The following SNX29 variants were observed in gnomAD, a reference collection of about 807,000 sequenced individuals.
SNX29 encodes sorting nexin 29, also known as sorting nexin-29.
A neutral mutation model predicts 102.1 loss-of-function variants in SNX29; 78 were observed. The observed-to-expected ratio is 0.76, with a 90% CI of 0.64 to 0.92. SNX29 has a LOEUF of 0.92. SNX29 is among the 40% of genes least tolerant of loss of function. The pLI is 0.00. For synonymous variants in SNX29, 580 were observed against 414.5 expected, an observed-to-expected ratio of 1.40 and a Z score of -4.85; for missense variants, 1,280 against 1,061.7, an observed-to-expected ratio of 1.21 and a Z score of -2.86.
At chr16:12,183,599 C>T (rs976414499) in intron 13 of SNX29, among the ~76,000 whole-genome samples, 5 of 152,140 alleles carry the variant, frequency 3.3e-5, no homozygotes, top group Non-Finnish European at 5.9e-5. Context: ...TTCCGAAGAA[C>T]AAGGATATTC....
chr16:12,474,361 G>T (rs1264915633), intron 18 of SNX29, among the ~76,000 whole-genome samples: 1 of 152,174 alleles, frequency 6.6e-6, no homozygotes, highest in Admixed American at 6.5e-5. Context: ...TCACGTCCTG[G>T]TCTGGAGTTT....
chr16:12,249,692 G>A (rs964638934), intron 14 of SNX29, among the ~76,000 whole-genome samples: 4 of 152,220 alleles, frequency 2.6e-5, no homozygotes, highest in African/African-American at 7.2e-5. Flanking sequence ...GCAAAATGAG[G>A]TGGAGAGTAT....
At chr16:12,017,061 C>T (rs1341048732) in intron 3 of SNX29, among the ~76,000 whole-genome samples, 4 of 151,904 alleles carry the variant, frequency 2.6e-5, no homozygotes, top group Admixed American at 6.6e-5. Context: ...CCCGGGAGGT[C>T]GAGACTGCGG....
intron 20 of SNX29, among the ~76,000 whole-genome samples, chr16:12,563,639 A>C (rs2078856837): frequency 6.6e-6 from 1 of 152,100 alleles, no homozygotes; most frequent in Non-Finnish European, 1.5e-5. Context: ...TGGCCCCAGA[A>C]GGTAGGAACT....
intron 20 of SNX29, among the ~76,000 whole-genome samples, chr16:12,544,676 G>C (rs1235189847): frequency 6.6e-6 from 1 of 152,212 alleles, no homozygotes; most frequent in Non-Finnish European, 1.5e-5. Flanking sequence ...GCCTTTGAGA[G>C]CGCTGTCACT....
intron 13 of SNX29, among the ~76,000 whole-genome samples, chr16:12,130,029 G>A (rs564356920): frequency 9.9e-5 from 15 of 151,698 alleles, no homozygotes; most frequent in Admixed American, 5.9e-4. Flanking sequence ...GCTTGAACCC[G>A]GGAGGCAGAG....
At chr16:12,325,454 A>G (rs1463016858) in intron 15 of SNX29, among the ~76,000 whole-genome samples, 1 of 152,242 alleles carries the variant, frequency 6.6e-6, no homozygotes, top group African/African-American at 2.4e-5. Context: ...AATTAACAAT[A>G]ATGGGAAAAA....
intron 18 of SNX29, among the ~76,000 whole-genome samples, chr16:12,427,951 T>TGCA (rs2151615498): frequency 6.6e-6 from 1 of 152,380 alleles, no homozygotes; most frequent in Non-Finnish European, 1.5e-5. Flanking sequence ...CACAGCTCCC[T>TGCA]GCAGCAGCTT....
At chr16:12,471,098 A>G (rs1332514623) in intron 18 of SNX29, among the ~76,000 whole-genome samples, 5 of 152,130 alleles carry the variant, frequency 3.3e-5, no homozygotes, top group African/African-American at 9.7e-5. Flanking sequence ...GAGATCTGAC[A>G]TGCTTTGGGC....
Position 12,569,061 on chromosome 16 carries a change from T to A in SNX29, c.*432T>A, listed in dbSNP as rs2079128029. ...CCCACGTGGGGACTAGAATGACTAT[T>A]AGCCTCTCCTTTTGCTTTTTAAGGT... On this transcript the variant is annotated 3_prime_UTR_variant, in exon 21 of 21. Coordinates refer to ENST00000566228, the MANE Select transcript of SNX29 (RefSeq NM_032167.5). 4.8e-6 allele frequency: 1 copy of A among 210,354 alleles called. No homozygotes were observed. The highest frequency in any genetic ancestry group is 9.3e-6 in the Non-Finnish European group (1 of 107,416). 13.0% of individuals were successfully genotyped at this position (210,354 alleles called of 1,614,324 possible). A position where few individuals can be genotyped will look rare whatever the true frequency, so the allele number is the denominator to read the frequency against.
chr16:12,231,073 G>A (rs1283980865), intron 14 of SNX29, among the ~76,000 whole-genome samples: 1 of 151,970 alleles, frequency 6.6e-6, no homozygotes, highest in Admixed American at 6.6e-5. Flanking sequence ...GGCTGGTCCC[G>A]AACTCCTGAC....
chr16:12,392,568 C>T (rs950502603), intron 16 of SNX29, among the ~76,000 whole-genome samples: 1 of 152,212 alleles, frequency 6.6e-6, no homozygotes, highest in Non-Finnish European at 1.5e-5. Context: ...TTGTCCTCTA[C>T]ACCCTTGTTA....
intron 20 of SNX29, chr16:12,527,292 G>T (rs1385634373): frequency 1.9e-6 from 1 of 531,880 alleles, no homozygotes. Context: ...TCCATGTGCT[G>T]CCCACAGAAA....
At chr16:12,443,955 C>A (rs766069428) in intron 18 of SNX29, among the ~76,000 whole-genome samples, 6 of 152,186 alleles carry the variant, frequency 3.9e-5, no homozygotes, top group Non-Finnish European at 8.8e-5. Flanking sequence ...TAGCATCTAG[C>A]ACGTAATAAG....
At chr16:12,176,823 G>T (rs185559429) in intron 13 of SNX29, among the ~76,000 whole-genome samples, 1 of 152,148 alleles carries the variant, frequency 6.6e-6, no homozygotes, top group Non-Finnish European at 1.5e-5. Context: ...ATTCTCATTT[G>T]TTCTCAGTGA....
chr16:12,039,049 G>C (rs918672404), intron 4 of SNX29, among the ~76,000 whole-genome samples: 1 of 152,176 alleles, frequency 6.6e-6, no homozygotes, highest in African/African-American at 2.4e-5. Context: ...CCCTCTTGCT[G>C]GTTTTTGTTA....
chr16:12,503,653 G>C (rs763325285), intron 19 of SNX29, among the ~76,000 whole-genome samples: 8 of 152,180 alleles, frequency 5.3e-5, no homozygotes, highest in Non-Finnish European at 8.8e-5. Flanking sequence ...GATCCCAGCA[G>C]AACGGGGTCT....
At chr16:12,154,643 CA>C (rs765217881) in intron 13 of SNX29, among the ~76,000 whole-genome samples, 3 of 152,140 alleles carry the variant, frequency 2.0e-5, no homozygotes. Flanking sequence ...GCTACTATAA[CA>C]AAACAAAAAG....
rs75446068 is a variant in SNX29, at chr16:12,427,713, G to T, written c.2037+24184G>T. ...AAGAGGAAGTCACAGTGGGAAGAGG[G>T]TGCAGAGCGCCCTTGATGTCTTGCT... On this transcript the variant is annotated intron_variant, in intron 18 of 20. Coordinates refer to ENST00000566228, the MANE Select transcript of SNX29 (RefSeq NM_032167.5). 9.6e-4 allele frequency among the ~76,000 whole-genome samples: 146 copies of T among 152,332 alleles called. 5 individuals carry two copies. In the East Asian group the frequency reaches 0.027, roughly 29 times the overall value.
Sources: gnomAD v4.1 joint callset for allele counts (sites outside exome capture counted in the v4.1 genomes callset) on GRCh38, gnomAD v4.1.1 for gene constraint, MANE v1.5 for transcripts, NCBI Gene and HGNC (gene_info 2026-07-23, HGNC 2026-07-21) for gene names.